Variants in ANKMY2 observed in about 807,000 individuals in gnomAD.
ANKMY2 encodes the protein ankyrin repeat and MYND domain-containing protein 2.
A neutral mutation model predicts 50.4 loss-of-function variants in ANKMY2; 36 were observed. That is an observed-to-expected ratio of 0.71 (90% CI 0.55 to 0.94). The LOEUF (loss-of-function observed/expected upper bound fraction) is 0.94. ANKMY2 is among the 40% of genes least tolerant of loss of function. The pLI, the probability that ANKMY2 is intolerant of heterozygous loss-of-function variation, is 0.00. For synonymous variants in ANKMY2, 187 were observed against 178.8 expected, an observed-to-expected ratio of 1.05 and a Z score of -0.36; for missense variants, 565 against 524.0, an observed-to-expected ratio of 1.08 and a Z score of -0.76.
rs937737712 is a variant in ANKMY2 at position 16,645,641 on chromosome 7, T to C, written c.-68A>G. ...TTAAAAAAGAAACGATGCGTCTGTA[T>C]TGGGAACGCCAGCCGCAATGAGGCA... is the stretch of plus-strand genomic sequence containing the variant. On this transcript the variant is annotated 5_prime_UTR_variant, in exon 1 of 10. Transcript: ENST00000306999. The C allele has an allele frequency of 3.9e-5, 60 of 1,535,582 alleles. No homozygotes were observed. Among genetic ancestry groups the C allele is most frequent in the Non-Finnish European group, 5.0e-5 (57 of 1,135,436 alleles).
At chr7:16,627,225 T>C in intron 2 of ANKMY2, 47 bp from the exon 3 acceptor site, 1 of 1,329,880 alleles carries the variant, frequency 7.5e-7, no homozygotes, top group African/African-American at 1.5e-5. Flanking sequence ...GTTTTATCTT[T>C]TCTGTACCTA....
At chr7:16,609,855 T>C in intron 6 of ANKMY2, 90 bp from the exon 7 acceptor site, 2 of 1,444,704 alleles carry the variant, frequency 1.4e-6, no homozygotes, top group Non-Finnish European at 1.9e-6. Flanking sequence ...GTTTCTTCTG[T>C]TACTTATGAT....
intron 3 of ANKMY2, among the ~76,000 whole-genome samples, chr7:16,625,977 GT>G (rs1781500710): frequency 7.8e-6 from 1 of 127,944 alleles, no homozygotes; most frequent in Admixed American, 9.7e-5. Flanking sequence ...TTTATAAGAA[GT>G]CTTTTTTTTT....
intron 2 of ANKMY2, among the ~76,000 whole-genome samples, chr7:16,628,907 T>TAAAC (rs1562464841): frequency 1.5e-4 from 20 of 130,620 alleles, no homozygotes; most frequent in East Asian, 4.6e-4. Context: ...GGCCTCTAGT[T>TAAAC]TAAACAAAAC....
chr7:16,614,250 C>A (rs1384827965), intron 5 of ANKMY2, among the ~76,000 whole-genome samples: 1 of 152,190 alleles, frequency 6.6e-6, no homozygotes, highest in East Asian at 1.9e-4. Flanking sequence ...AACAGTAACA[C>A]AGAAGAAAAT....
At chr7:16,637,245 C>A (rs4719473) in intron 1 of ANKMY2, among the ~76,000 whole-genome samples, 1 of 152,150 alleles carries the variant, frequency 6.6e-6, no homozygotes, top group South Asian at 2.1e-4. Flanking sequence ...TAAGATAAGC[C>A]TCTCCTATAA....
chr7:16,630,615 C>T (rs1490061558), intron 2 of ANKMY2, among the ~76,000 whole-genome samples: 1 of 152,148 alleles, frequency 6.6e-6, no homozygotes. Flanking sequence ...ACATGTCAGA[C>T]ACTGATCTAT....
chr7:16,644,064 C>A (rs1349172556), intron 1 of ANKMY2, among the ~76,000 whole-genome samples: 1 of 152,134 alleles, frequency 6.6e-6, no homozygotes, highest in Non-Finnish European at 1.5e-5. Flanking sequence ...TAGCTCTGTC[C>A]TGCCTAAAAG....
At chr7:16,630,502 T>C (rs560584928) in intron 2 of ANKMY2, among the ~76,000 whole-genome samples, 48 of 152,332 alleles carry the variant, frequency 3.2e-4, no homozygotes, top group South Asian at 2.1e-4. Flanking sequence ...TCTCCCATAA[T>C]TCTTAAGTCA....
At chr7:16,615,648 C>T (rs1455572421) in intron 5 of ANKMY2, 96 bp downstream of exon 5, 20 of 1,508,050 alleles carry the variant, frequency 1.3e-5, no homozygotes, top group Non-Finnish European at 1.7e-5. Flanking sequence ...AACTACAAAA[C>T]CCACCCCAAG....
intron 5 of ANKMY2, among the ~76,000 whole-genome samples, chr7:16,611,688 C>T (rs892464635): frequency 2.6e-5 from 4 of 152,154 alleles, no homozygotes; most frequent in Admixed American, 6.5e-5. Flanking sequence ...ATCCTTGAAC[C>T]GGATTGAGAA....
chr7:16,644,945 T>C, intron 1 of ANKMY2: 1 of 334,754 alleles, frequency 3.0e-6, no homozygotes, highest in South Asian at 2.2e-5. Flanking sequence ...CTGTCGGGGC[T>C]TCTGGAAGCC....
At chr7:16,637,574 C>G (rs942525044) in intron 1 of ANKMY2, among the ~76,000 whole-genome samples, 1 of 152,062 alleles carries the variant, frequency 6.6e-6, no homozygotes, top group Non-Finnish European at 1.5e-5. Context: ...TTTTTCTGAC[C>G]CTGTATTCCA....
intron 4 of ANKMY2, among the ~76,000 whole-genome samples, chr7:16,620,521 G>T (rs543873545): frequency 7.2e-5 from 11 of 151,934 alleles, no homozygotes; most frequent in African/African-American, 2.4e-4. Context: ...GGTAAATATG[G>T]GGCCTTGGGG....
chr7:16,608,620 GC>G (rs1562767492), intron 7 of ANKMY2, among the ~76,000 whole-genome samples: 1 of 152,140 alleles, frequency 6.6e-6, no homozygotes, highest in African/African-American at 2.4e-5. Flanking sequence ...TCAATTTCTT[GC>G]CTGATAGACA....
At chr7:16,627,799 ATGGT>A (rs1276212489) in intron 2 of ANKMY2, among the ~76,000 whole-genome samples, 1 of 151,766 alleles carries the variant, frequency 6.6e-6, no homozygotes, top group Non-Finnish European at 1.5e-5. Flanking sequence ...ATATAGAGAA[ATGGT>A]TGGTAGTATT....
chr7:16,632,227 T>C (rs904621415), intron 2 of ANKMY2, among the ~76,000 whole-genome samples: 17 of 150,784 alleles, frequency 1.1e-4, no homozygotes, highest in African/African-American at 3.7e-4. Flanking sequence ...TTACTGTTTT[T>C]TCTTTCCTGT....
At chr7:16,632,733 T>C (rs1020994668) in intron 2 of ANKMY2, among the ~76,000 whole-genome samples, 7 of 152,244 alleles carry the variant, frequency 4.6e-5, no homozygotes, top group African/African-American at 1.7e-4. Flanking sequence ...ATGCAAAATT[T>C]TGTGTGGATA....
At position 16,609,662 on chromosome 7, in the gene ANKMY2, G is replaced by A. The variant is rs1781214542; in HGVS notation, c.850C>T (p.Gln284Ter). The A allele has an allele frequency of 6.2e-7, 1 of 1,610,986 alleles. No individual in the cohort carries two copies. The highest frequency in any genetic ancestry group is 8.5e-7 in the Non-Finnish European group (1 of 1,179,136). ...FPYCEATLLQ[Q>*]LVRSIAPVEI... ...ACAGGAGCAATGCTTCGAACCAGCT[G>A]CTGGAGGAGTGTAGCTTCACAGTAA... is the stretch of plus-strand genomic sequence containing the variant. The change falls in exon 7 of 10, where the codon CAG becomes TAG. Residue 284 changes from glutamine (Q) to a stop codon, truncating the protein, a stop_gained. Transcript: ENST00000306999. LOFTEE classifies it high-confidence loss of function.
Sources: gnomAD v4.1 joint callset for allele counts (sites outside exome capture counted in the v4.1 genomes callset) on GRCh38, gnomAD v4.1.1 for gene constraint, MANE v1.5 for transcripts, NCBI Gene and HGNC (gene_info 2026-07-23, HGNC 2026-07-21) for gene names.